The following USP39 variants were observed in gnomAD, a reference collection of about 807,000 sequenced individuals.
USP39 encodes the protein ubiquitin specific peptidase 39, also known as ubiquitin carboxyl-terminal hydrolase 39.
A neutral mutation model predicts 66.4 loss-of-function variants in USP39; 38 were observed. The ratio of observed to expected loss-of-function variants is 0.57; its 90% CI spans 0.44 to 0.75. The LOEUF is 0.75. Among genes scored for constraint, USP39 ranks in the 30% least tolerant of loss-of-function variants. The pLI is 0.00. For missense variants in USP39, 608 were observed against 714.4 expected (o/e 0.85, Z 1.70); for synonymous variants, 303 against 274.6 (o/e 1.10, Z -1.02).
At chr2:85,640,834 A>G (rs1676178591) in intron 9 of USP39, 142 bp from the exon 10 acceptor site, 1 of 639,372 alleles carries the variant, frequency 1.6e-6, no homozygotes, top group South Asian at 2.2e-5. Context: ...AGCCTCATAC[A>G]TAATTTCTCG....
At chr2:85,636,810 T>C (rs928909831) in intron 7 of USP39, among the ~76,000 whole-genome samples, 1 of 152,234 alleles carries the variant, frequency 6.6e-6, no homozygotes, top group African/African-American at 2.4e-5. Flanking sequence ...GCCTGTTGCT[T>C]TTCCCACTGG....
chr2:85,613,335 C>T (rs1320065102), upstream of USP39, among the ~76,000 whole-genome samples: 1 of 151,976 alleles, frequency 6.6e-6, no homozygotes, highest in Non-Finnish European at 1.5e-5. Context: ...GGTGAAACCC[C>T]GTCTCTACTA....
intron 1 of USP39, among the ~76,000 whole-genome samples, chr2:85,618,786 TGA>T (rs1408069960): frequency 1.3e-5 from 2 of 152,148 alleles, no homozygotes; most frequent in East Asian, 3.9e-4. Context: ...CTTTTTTTTT[TGA>T]GAGGGAGTTT....
At chr2:85,618,830 T>A (rs941820780) in intron 1 of USP39, among the ~76,000 whole-genome samples, 1 of 151,772 alleles carries the variant, frequency 6.6e-6, no homozygotes, top group Non-Finnish European at 1.5e-5. Context: ...AGTGCAGCGG[T>A]ACGATCTCTG....
At position 85,648,789 on chromosome 2, in the gene USP39, C is replaced by G; in HGVS notation, c.1679C>G (p.Thr560Ser). 1 of 1,614,124 alleles carries G rather than the reference C, an allele frequency of 6.2e-7. No individual in the cohort carries two copies. Among genetic ancestry groups the G allele is most frequent in the Non-Finnish European group, 8.5e-7 (1 of 1,180,022 alleles). The change falls in exon 13 of 13, where the codon ACC becomes AGC. Residue 560 changes from threonine (T) to serine (S), a missense_variant. This residue lies in a region of USP39 where 164 missense variants were observed against 250.3 expected (regional missense o/e 0.66). Coordinates refer to ENST00000323701, the MANE Select transcript of USP39 (RefSeq NM_006590.4). ...QIWKRRDNDE[T>S]NQQGA ...TGGAAGAGGCGAGATAATGATGAAA[C>G]CAACCAGCAGGGGGCTTGAAGGAGG...
chr2:85,610,783 G>T (rs536186584), upstream of USP39: 4 of 144,422 alleles, frequency 2.8e-5, no homozygotes, highest in East Asian at 8.2e-4. Flanking sequence ...TTTTGAGACC[G>T]AGTCTTGCTG....
upstream of USP39, chr2:85,607,276 C>A (rs1369044781): frequency 1.3e-5 from 2 of 152,244 alleles, no homozygotes; most frequent in Non-Finnish European, 1.5e-5. Flanking sequence ...CTGACTGGTT[C>A]TCTGACCAGG....
intron 10 of USP39, among the ~76,000 whole-genome samples, chr2:85,643,406 C>T (rs560449219): frequency 1.8e-4 from 27 of 151,878 alleles, no homozygotes; most frequent in Admixed American, 3.9e-4. Context: ...AGGAGAATGG[C>T]GTGAACCCAG....
At chr2:85,624,644 C>A (rs1457674156) in intron 4 of USP39, among the ~76,000 whole-genome samples, 1 of 152,012 alleles carries the variant, frequency 6.6e-6, no homozygotes, top group Non-Finnish European at 1.5e-5. Flanking sequence ...GTTGTATAAG[C>A]CTATTATTAA....
chr2:85,611,812 G>A, upstream of USP39: 2 of 1,608,958 alleles, frequency 1.2e-6, no homozygotes, highest in African/African-American at 1.3e-5. Context: ...CGGGAGTCAG[G>A]GACTGTCGGG....
At chr2:85,626,945 C>T (rs1674914070) in intron 5 of USP39, among the ~76,000 whole-genome samples, 1 of 152,082 alleles carries the variant, frequency 6.6e-6, no homozygotes, top group Non-Finnish European at 1.5e-5. Flanking sequence ...GACAGGGTTT[C>T]ACCATTTTGG....
chr2:85,646,169 G>A (rs1676635522), intron 11 of USP39: 1 of 152,172 alleles, frequency 6.6e-6, no homozygotes, highest in African/African-American at 2.4e-5. Flanking sequence ...GCGAAGCACT[G>A]GTTTAGAGGC....
intron 1 of USP39, among the ~76,000 whole-genome samples, chr2:85,605,756 A>G (rs745781874): frequency 1.2e-4 from 19 of 152,132 alleles, no homozygotes; most frequent in Non-Finnish European, 2.6e-4. Context: ...AGCAGATTGG[A>G]TACTCACCAT....
intron 6 of USP39, among the ~76,000 whole-genome samples, chr2:85,635,034 G>A (rs1217992258): frequency 1.3e-5 from 2 of 152,202 alleles, no homozygotes; most frequent in Non-Finnish European, 2.9e-5. Context: ...CTGAGACCTA[G>A]TAGGTTATTA....
chr2:85,622,661 T>C (rs867792290), intron 3 of USP39, among the ~76,000 whole-genome samples: 1 of 152,008 alleles, frequency 6.6e-6, no homozygotes, highest in African/African-American at 2.4e-5. Flanking sequence ...CAAAGGACTT[T>C]TTTTATTCCA....
At chr2:85,619,077 C>CT in intron 1 of USP39, 143 bp from the exon 2 acceptor site, 40 of 953,842 alleles carry the variant, frequency 4.2e-5, no homozygotes, top group Non-Finnish European at 4.9e-5. Flanking sequence ...GGCTAGTGGA[C>CT]TTTTTTTTCG....
upstream of USP39, chr2:85,611,274 G>A (rs879106671): frequency 1.4e-6 from 2 of 1,410,222 alleles, no homozygotes; most frequent in East Asian, 2.7e-5. Context: ...ATATTAACCA[G>A]TGTGATCTCT....
chr2:85,637,806 C>T (rs1675897635), intron 8 of USP39, among the ~76,000 whole-genome samples: 1 of 152,134 alleles, frequency 6.6e-6, no homozygotes, highest in Non-Finnish European at 1.5e-5. Context: ...AAGCGATTCT[C>T]CTGCCTTAGC....
At chr2:85,611,641 G>C (rs1432300850), upstream of USP39, 1 of 1,566,840 alleles carries the variant, frequency 6.4e-7, no homozygotes, top group Non-Finnish European at 8.7e-7. Flanking sequence ...CGCGCGGGCT[G>C]GAGGCAGGCG....
Sources: allele counts gnomAD v4.1 joint callset (sites outside exome capture counted in the v4.1 genomes callset), GRCh38; gene constraint gnomAD v4.1.1; regional missense constraint gnomAD v4.1.1; transcripts MANE v1.5; gene names NCBI Gene and HGNC (gene_info 2026-07-23, HGNC 2026-07-21).